Variants in SARM1 observed in about 807,000 individuals in gnomAD.
SARM1 encodes the protein NAD(+) hydrolase SARM1.
Under a neutral mutation model 65.1 loss-of-function variants are expected in SARM1, and 60 were observed. That is an observed-to-expected ratio of 0.92 (90% CI 0.75 to 1.14). The LOEUF (loss-of-function observed/expected upper bound fraction) is 1.14, where lower values mean the gene tolerates loss of function less well. Ranked by LOEUF, SARM1 falls within the 50% of genes most tolerant of loss-of-function variation. SARM1 has a pLI of 0.00. For missense variants in SARM1, 913 were observed against 1,015.7 expected (o/e 0.90, Z 1.37); for synonymous variants, 417 against 465.4 (o/e 0.90, Z 1.34).
intron 7 of SARM1, among the ~76,000 whole-genome samples, chr17:28,390,235 G>A (rs1332312541): frequency 6.6e-6 from 1 of 152,162 alleles, no homozygotes; most frequent in African/African-American, 2.4e-5. Context: ...GAAGACCTGG[G>A]ATCAATAGAA....
At chr17:28,373,727 G>C (rs1555584305) in intron 1 of SARM1, 2 of 152,226 alleles carry the variant, frequency 1.3e-5, no homozygotes, top group African/African-American at 4.8e-5. Flanking sequence ...GCTATGTGGA[G>C]TCAGGAGCTA....
At chr17:28,388,118 G>A (rs1431008398) in intron 5 of SARM1, 56 bp from the exon 6 acceptor site, 3 of 1,259,006 alleles carry the variant, frequency 2.4e-6, no homozygotes, top group Non-Finnish European at 3.4e-6. Flanking sequence ...TGATATACCT[G>A]ACAGTGAGTG....
rs1450481786 is a variant in SARM1, at chr17:28,372,812, C to T, written c.470+310C>T. On this transcript the variant is annotated intron_variant, in intron 1 of 8. Transcript: ENST00000585482. This position sits in a 1 kb window ranked among gnomAD's most constrained non-coding sequence, Gnocchi z 5.2. ...TGGAGATGGCATCCTATTGCCAATT[C>T]TCCCTCTCCCCCGCCCCCCAAGCCC... is the stretch of plus-strand genomic sequence containing the variant. Among the ~76,000 whole-genome samples, 1 of 152,172 alleles carries T rather than the reference C, an allele frequency of 6.6e-6. No individual in the cohort carries two copies. Among genetic ancestry groups the T allele is most frequent in the Non-Finnish European group, 1.5e-5 (1 of 68,036 alleles).
At position 28,396,422 on chromosome 17, in the gene SARM1, C is replaced by T. The variant is rs189192075; in HGVS notation, c.*136C>T. 1 of 994,488 alleles carries T rather than the reference C, an allele frequency of 1.0e-6. No individual in the cohort carries two copies. Among genetic ancestry groups the T allele is most frequent in the Non-Finnish European group, 1.5e-6 (1 of 670,152 alleles). 61.6% of individuals were successfully genotyped at this position (994,488 alleles called of 1,614,324 possible). A position where few individuals can be genotyped will look rare whatever the true frequency, so the allele number is the denominator to read the frequency against. On this transcript the variant is annotated 3_prime_UTR_variant, in exon 9 of 9. Coordinates refer to ENST00000585482, the MANE Select transcript of SARM1 (RefSeq NM_015077.4). ...GGAAATGGCTCTCCCTCCCCCTGTC[C>T]CCCACCCTCATGGCCCACCTCCAAC...
chr17:28,397,524 A>G lies in SARM1; in HGVS notation c.*1238A>G, dbSNP rs1156383673. 1 of 152,218 alleles carries G rather than the reference A, an allele frequency of 6.6e-6. No individual in the cohort carries two copies. Among genetic ancestry groups the G allele is most frequent in the Non-Finnish European group, 1.5e-5 (1 of 68,048 alleles). 9.4% of individuals were successfully genotyped at this position (152,218 alleles called of 1,614,324 possible). ...ACACTGAGGCTCAGAAAGGTTGAGG[A>G]TAAGCCCACTTTCCTGTCATTAGTG... is the stretch of plus-strand genomic sequence containing the variant. On this transcript the variant is annotated 3_prime_UTR_variant, in exon 9 of 9. Transcript: ENST00000585482.
Position 28,384,802 on chromosome 17 carries a change from TA to T in SARM1, c.1303-36del, listed in dbSNP as rs1567807989. ...TTGTGCTCGAGGTCCAAGGGCGGAG[TA>T]GCGAAGCCCTTCCTGACACCCGACT... On this transcript the variant is annotated intron_variant, in intron 3 of 8. Transcript: ENST00000585482. This position sits in a 1 kb window ranked among gnomAD's most constrained non-coding sequence, Gnocchi z 4.4. 1.3e-6 allele frequency: 2 copies of T among 1,529,368 alleles called. No individual in the cohort carries two copies. Among genetic ancestry groups the T allele is most frequent in the South Asian group, 2.4e-5 (2 of 83,584 alleles). The allele number at this position is 1,529,368 out of a possible 1,614,324, so 94.7% of individuals were successfully genotyped here.
intron 1 of SARM1, among the ~76,000 whole-genome samples, chr17:28,380,071 TCTG>T (rs1452881170): frequency 1.4e-4 from 19 of 139,222 alleles, no homozygotes; most frequent in Admixed American, 9.5e-4. Flanking sequence ...TTTTTTTTTT[TCTG>T]TCTCTCTCTC....
chr17:28,383,321 C>G (rs1226362761), intron 2 of SARM1, among the ~76,000 whole-genome samples: 1 of 152,188 alleles, frequency 6.6e-6, no homozygotes, highest in Non-Finnish European at 1.5e-5. Flanking sequence ...TTACAGTGAG[C>G]TGGAATCGCA....
chr17:28,387,055 A>T (rs1225261162), intron 5 of SARM1, among the ~76,000 whole-genome samples: 1 of 152,114 alleles, frequency 6.6e-6, no homozygotes, highest in African/African-American at 2.4e-5. Context: ...TTCATTTTTA[A>T]ACAACAGGAA....
intron 1 of SARM1, among the ~76,000 whole-genome samples, chr17:28,380,633 C>T (rs1260665500): frequency 2.6e-5 from 4 of 152,306 alleles, no homozygotes; most frequent in Admixed American, 1.3e-4. Context: ...AGATATGCCC[C>T]GGTCATGGGC....
Position 28,372,386 on chromosome 17 carries a change from C to A in SARM1, c.354C>A (p.Asp118Glu), listed in dbSNP as rs1567803748. Residue 118 changes from aspartate to glutamate, a missense_variant, in exon 1 of 9, where the codon GAC becomes GAA. Around this residue, in one of 3 missense-constraint regions of SARM1, gnomAD observed 862 missense variants for 952.1 expected, o/e 0.91. Transcript: ENST00000585482. This position sits in a 1 kb window ranked among gnomAD's most constrained non-coding sequence, Gnocchi z 5.2. ...VGREVAQGLC[D>E]AIRLDGGLDL... ...GCGAGGTAGCCCAGGGTCTGTGCGA[C>A]GCCATCCGCCTCGATGGCGGCCTCG... The A allele has an allele frequency of 2.0e-6, 3 of 1,528,006 alleles. No individual in the cohort carries two copies. Among genetic ancestry groups the A allele is most frequent in the Non-Finnish European group, 2.6e-6 (3 of 1,143,968 alleles). 94.7% of individuals were successfully genotyped at this position (1,528,006 alleles called of 1,614,324 possible).
At chr17:28,377,554 T>A (rs2067999674) in intron 1 of SARM1, among the ~76,000 whole-genome samples, 1 of 152,184 alleles carries the variant, frequency 6.6e-6, no homozygotes. Flanking sequence ...CAGTGAGCTG[T>A]GAGCTTATGG....
At position 28,399,934 on chromosome 17, in the gene SARM1, T is replaced by C. The variant is rs543888065; in HGVS notation, c.*3648T>C. Reference sequence around the variant, plus strand: ...TAAGAGACAGGGTCTTGCTCTGTTGTCCAGGCTGGAGGGCAGTGACATAAT... The same window carrying C: ...TAAGAGACAGGGTCTTGCTCTGTTGCCCAGGCTGGAGGGCAGTGACATAAT... On this transcript the variant is annotated 3_prime_UTR_variant, in exon 9 of 9. Coordinates refer to ENST00000585482, the MANE Select transcript of SARM1 (RefSeq NM_015077.4). The C allele has an allele frequency of 7.4e-6, 4 of 539,678 alleles. No homozygotes were observed. The highest frequency in any genetic ancestry group is 5.7e-5 in the African/African-American group (3 of 52,564). 33.4% of individuals were successfully genotyped at this position (539,678 alleles called of 1,614,324 possible). A position where few individuals can be genotyped will look rare whatever the true frequency, so the allele number is the denominator to read the frequency against.
intron 5 of SARM1, among the ~76,000 whole-genome samples, chr17:28,387,600 C>T (rs1378637026): frequency 2.0e-5 from 3 of 152,112 alleles, no homozygotes; most frequent in African/African-American, 7.2e-5. Flanking sequence ...GGGAAGGGCC[C>T]GGAGGCTGGA....
intron 7 of SARM1, 195 bp from the exon 8 acceptor site, chr17:28,395,710 A>G (rs2068112713): frequency 3.4e-6 from 2 of 587,314 alleles, no homozygotes; most frequent in Non-Finnish European, 6.0e-6. Flanking sequence ...GCTCTGTGCC[A>G]GGAACTCTGG....
chr17:28,390,935 C>T (rs376449257), intron 7 of SARM1, among the ~76,000 whole-genome samples: 68 of 152,260 alleles, frequency 4.5e-4, no homozygotes, highest in African/African-American at 1.5e-3. Flanking sequence ...GAATAATGTT[C>T]CCCTGGCTGC....
chr17:28,398,393 C>T lies in SARM1; in HGVS notation c.*2107C>T, dbSNP rs2068156474. On this transcript the variant is annotated 3_prime_UTR_variant, in exon 9 of 9. Coordinates refer to ENST00000585482, the MANE Select transcript of SARM1 (RefSeq NM_015077.4). The stretch of plus-strand genomic sequence containing the variant: ...CTGGAACAGCTGAAGTCACAAGCCT[C>T]CTCTAAGCCAAGGCCAGTGTGTTCA... 6.6e-6 allele frequency: 1 copy of T among 152,366 alleles called. No homozygotes were observed. The highest frequency in any genetic ancestry group is 6.5e-5 in the Admixed American group (1 of 15,290). 9.4% of individuals were successfully genotyped at this position (152,366 alleles called of 1,614,324 possible).
At chr17:28,388,034 C>G in intron 5 of SARM1, 140 bp from the exon 6 acceptor site, 1 of 670,960 alleles carries the variant, frequency 1.5e-6, no homozygotes, top group South Asian at 1.8e-5. Context: ...CCCATTTCTC[C>G]TTTTTGGGGC....
chr17:28,395,584 C>T (rs1264009707), intron 7 of SARM1: 4 of 271,666 alleles, frequency 1.5e-5, no homozygotes, highest in Non-Finnish European at 2.8e-5. Flanking sequence ...GGTGACCAGC[C>T]CTCTTCCTGA....
Sources: gnomAD v4.1 joint callset for allele counts (sites outside exome capture counted in the v4.1 genomes callset) on GRCh38, gnomAD v4.1.1 for gene constraint, gnomAD v4.1.1 regional missense constraint, Gnocchi (gnomAD v3.1) non-coding constraint, MANE v1.5 for transcripts, NCBI Gene and HGNC (gene_info 2026-07-23, HGNC 2026-07-21) for gene names.